Variants in LAMC3 observed in about 807,000 individuals in gnomAD.
The protein encoded by LAMC3 is laminin subunit gamma 3.
In LAMC3, 128 loss-of-function variants were observed where a neutral mutation model predicts 173.8. The observed-to-expected ratio is 0.74, with a 90% confidence interval of 0.64 to 0.85. The LOEUF (loss-of-function observed/expected upper bound fraction) is 0.85, where lower values mean the gene tolerates loss of function less well. Ranked by LOEUF, LAMC3 falls within the 40% of genes least tolerant of loss-of-function variation. LAMC3 has a pLI of 0.00. For synonymous variants in LAMC3, 897 were observed against 909.1 expected, an observed-to-expected ratio of 0.99 and a Z score of 0.24; for missense variants, 2,022 against 2,156.0, an observed-to-expected ratio of 0.94 and a Z score of 1.23.
At position 131,026,547 on chromosome 9, in the gene LAMC3, C is replaced by T; in HGVS notation, c.636C>T (p.Gly212=). The T allele has an allele frequency of 6.2e-7, 1 of 1,608,800 alleles. No individual in the cohort carries two copies. The highest frequency in any genetic ancestry group is 1.7e-5 in the Admixed American group (1 of 59,206). Residue 212 remains glycine (G), a synonymous_variant, in exon 2 of 28, where the codon GGC becomes GGT. Transcript: ENST00000361069. This position sits in a 1 kb window ranked among gnomAD's most constrained non-coding sequence, Gnocchi z 4.8. Reference sequence around the variant, plus strand: ...ACGTGGCCTTCTCCACCCTGGAGGGCCGGCCCAGCGCCTACAACTTCGAGG... The same window carrying T: ...ACGTGGCCTTCTCCACCCTGGAGGGTCGGCCCAGCGCCTACAACTTCGAGG... ...GGNVAFSTLE[G]RPSAYNFEES...
chr9:131,052,968 C>T lies in LAMC3; in HGVS notation c.1939+3C>T. On this transcript the variant is annotated splice_donor_region_variant and intron_variant, in intron 11 of 27. Transcript: ENST00000361069. ...CAGTCCCGGCCCCAGCCCTGCCGGT[C>T]AGTAAAGACAACCACATGCCCAAGA... 1 of 1,604,084 alleles carries T rather than the reference C, an allele frequency of 6.2e-7. No homozygotes were observed. Among genetic ancestry groups the T allele is most frequent in the Non-Finnish European group, 8.5e-7 (1 of 1,172,638 alleles).
chr9:131,079,327 C>A (rs1830193821), intron 23 of LAMC3, 29 bp downstream of exon 23: 4 of 1,613,346 alleles, frequency 2.5e-6, no homozygotes, highest in East Asian at 4.5e-5. Context: ...AAGCAGGGGA[C>A]CTGGGAGAGG....
chr9:131,042,245 T>C (rs372768416), intron 7 of LAMC3, among the ~76,000 whole-genome samples: 3 of 151,514 alleles, frequency 2.0e-5, no homozygotes, highest in Admixed American at 2.0e-4. Context: ...CAGACACCAC[T>C]AACGGAGCAC....
At chr9:131,064,761 C>T (rs1479529287) in intron 13 of LAMC3, among the ~76,000 whole-genome samples, 1 of 151,796 alleles carries the variant, frequency 6.6e-6, no homozygotes, top group Non-Finnish European at 1.5e-5. Flanking sequence ...AGCAGCCGGG[C>T]GTGGTGGCTT....
At chr9:131,046,516 G>GTTTTTTTTTTTTTTTTTT (rs1443313320) in intron 8 of LAMC3, among the ~76,000 whole-genome samples, 3 of 38,756 alleles carry the variant, frequency 7.7e-5, no homozygotes, top group Non-Finnish European at 1.1e-4. Flanking sequence ...GCTAATTTTT[G>GTTTTTTTTTTTTTTTTTT]TATTTTTTTT....
rs773185472 is a variant in LAMC3, at chr9:131,026,366, G to A, written c.455G>A (p.Arg152His). 52 of 1,614,034 alleles carry A rather than the reference G, an allele frequency of 3.2e-5. No homozygotes were observed. The highest frequency in any genetic ancestry group is 1.9e-4 in the South Asian group (17 of 91,094). ...PESFAIYKRSRADGPWEPYQF... is the reference protein window; with the variant it reads ...PESFAIYKRSHADGPWEPYQF... ...AGCTTTGCCATCTACAAGCGCAGCC[G>A]CGCCGACGGCCCATGGGAGCCCTAC... The change falls in exon 2 of 28, where the codon CGC (arginine) becomes CAC (histidine). Residue 152 changes from arginine to histidine, a missense_variant. Arg to His is a conservative substitution (Grantham distance 29). Transcript: ENST00000361069. This position sits in a 1 kb window ranked among gnomAD's most constrained non-coding sequence, Gnocchi z 4.8.
chr9:131,022,793 G>T (rs1455935844), intron 1 of LAMC3, among the ~76,000 whole-genome samples: 3 of 151,948 alleles, frequency 2.0e-5, no homozygotes, highest in Non-Finnish European at 2.9e-5. Context: ...ACCCAGGCTG[G>T]TCTCAAACTC....
At position 131,068,982 on chromosome 9, in the gene LAMC3, G is replaced by A; in HGVS notation, c.2822G>A (p.Gly941Asp). Residue 941 changes from glycine to aspartate, a missense_variant, in exon 16 of 28, where the codon GGT becomes GAT. Coordinates refer to ENST00000361069, the MANE Select transcript of LAMC3 (RefSeq NM_006059.4). ...ACTGGACAGTGCACCTGCCGCCCAGGTGTCACAGGCCAGGCCTGTGACAGG... is the reference window on the plus strand; with the variant it reads ...ACTGGACAGTGCACCTGCCGCCCAGATGTCACAGGCCAGGCCTGTGACAGG... ...PKTGQCTCRP[G>D]VTGQACDRCQ... 1.2e-6 allele frequency: 2 copies of A among 1,614,056 alleles called. No homozygotes were observed. The highest frequency in any genetic ancestry group is 1.7e-4 in the Middle Eastern group (1 of 6,056).
At chr9:131,044,867 A>G (rs1273012056) in intron 7 of LAMC3, among the ~76,000 whole-genome samples, 1 of 152,206 alleles carries the variant, frequency 6.6e-6, no homozygotes, top group East Asian at 1.9e-4. Flanking sequence ...ACTAAATGCA[A>G]CACCGTGTCC....
At chr9:131,039,076 C>A in intron 5 of LAMC3, 24 bp downstream of exon 5, 1 of 1,612,562 alleles carries the variant, frequency 6.2e-7, no homozygotes, top group Non-Finnish European at 8.5e-7. Context: ...ACATCCCCAG[C>A]CTCCGACCCT....
chr9:131,089,076 C>G (rs1830378010), intron 27 of LAMC3, among the ~76,000 whole-genome samples: 1 of 150,418 alleles, frequency 6.6e-6, no homozygotes, highest in Non-Finnish European at 1.5e-5. Context: ...GAGTGAGACT[C>G]CGTCTCAAAA....
At chr9:131,071,029 C>A (rs1830028111) in intron 17 of LAMC3, among the ~76,000 whole-genome samples, 1 of 152,182 alleles carries the variant, frequency 6.6e-6, no homozygotes, top group African/African-American at 2.4e-5. Context: ...ACATGGCAGG[C>A]ATTTGTGCTG....
chr9:131,043,960 C>CTTTT (rs71389386), intron 7 of LAMC3, among the ~76,000 whole-genome samples: 1 of 134,030 alleles, frequency 7.5e-6, no homozygotes, highest in Admixed American at 7.6e-5. Context: ...TGACTTGCTG[C>CTTTT]TTTTTTTTTT....
intron 4 of LAMC3, among the ~76,000 whole-genome samples, chr9:131,038,214 G>A (rs1833979859): frequency 6.6e-6 from 1 of 152,130 alleles, no homozygotes; most frequent in Admixed American, 6.5e-5. Flanking sequence ...AGCTGCAGGG[G>A]CCCCTTCTTT....
chr9:131,056,968 G>T lies in LAMC3; in HGVS notation c.1979G>T (p.Arg660Leu). 3 of 1,613,784 alleles carry T rather than the reference G, an allele frequency of 1.9e-6. No homozygotes were observed. The highest frequency in any genetic ancestry group is 2.5e-6 in the Non-Finnish European group (3 of 1,180,036). Reference sequence around the variant, plus strand: ...ACTGAGGTCCGGCTCACATCCGCCCGGCCAGGGCTTTCCCCGCCAGCCTCC... The same window carrying T: ...ACTGAGGTCCGGCTCACATCCGCCCTGCCAGGGCTTTCCCCGCCAGCCTCC... Reference protein sequence around the residue: ...FLTEVRLTSARPGLSPPASWV... With the variant: ...FLTEVRLTSALPGLSPPASWV... Residue 660 changes from arginine (R) to leucine (L), a missense_variant, in exon 12 of 28, where the codon CGG becomes CTG. Coordinates refer to ENST00000361069, the MANE Select transcript of LAMC3 (RefSeq NM_006059.4).
In LAMC3 at chr9:131,073,281, T is replaced by G. The variant is rs776729414; in HGVS notation, c.3454T>G (p.Trp1152Gly). The G allele has an allele frequency of 1.7e-5, 28 of 1,613,688 alleles. No individual in the cohort carries two copies. In the East Asian group the frequency reaches 6.2e-4, roughly 36 times the overall value. ...PQEGPSQPTK[W>G]SHLATEARAL... ...GGAAGGTCCCAGTCAGCCGACCAAA[T>G]GGAGCCACCTGGCCACAGAGGCCCG... Residue 1152 changes from tryptophan (W) to glycine (G), a missense_variant, in exon 20 of 28, where the codon TGG (tryptophan) becomes GGG (glycine). By Grantham distance (184) the Trp-to-Gly change is radical. Transcript: ENST00000361069.
chr9:131,032,793 C>T (rs1471765338), intron 3 of LAMC3, among the ~76,000 whole-genome samples: 2 of 152,204 alleles, frequency 1.3e-5, no homozygotes, highest in African/African-American at 4.8e-5. Flanking sequence ...CTCAGCCTCC[C>T]AAGTAGCTGG....
intron 24 of LAMC3, among the ~76,000 whole-genome samples, chr9:131,084,039 ATT>A (rs34293977): frequency 3.0e-5 from 4 of 131,180 alleles, no homozygotes; most frequent in Non-Finnish European, 3.2e-5. Context: ...CACACCCGGC[ATT>A]TTTTTTTTTT....
At chr9:131,048,947 C>A in intron 8 of LAMC3, 73 bp from the exon 9 acceptor site, 1 of 912,200 alleles carries the variant, frequency 1.1e-6, no homozygotes, top group Non-Finnish European at 1.7e-6. Context: ...AGGGCCCCCA[C>A]CTGGGGCTGG....
Sources: gnomAD v4.1 joint callset for allele counts (sites outside exome capture counted in the v4.1 genomes callset) on GRCh38, gnomAD v4.1.1 for gene constraint, Gnocchi (gnomAD v3.1) non-coding constraint, MANE v1.5 for transcripts, NCBI Gene and HGNC (gene_info 2026-07-23, HGNC 2026-07-21) for gene names.